TDRD7: variants seen among roughly 807,000 people sequenced by gnomAD.
TDRD7 encodes tudor domain containing 7, also known as tudor domain-containing protein 7.
A neutral mutation model predicts 109.8 loss-of-function variants in TDRD7; 47 were observed. The ratio of observed to expected loss-of-function variants is 0.43; its 90% CI spans 0.34 to 0.55. The LOEUF is 0.55. TDRD7 is among the 20% of genes least tolerant of loss of function. The pLI, the probability that TDRD7 is intolerant of heterozygous loss-of-function variation, is 0.03. For missense variants in TDRD7, 1,164 were observed against 1,319.2 expected, an observed-to-expected ratio of 0.88 and a Z score of 1.82; for synonymous variants, 424 against 457.3, an observed-to-expected ratio of 0.93 and a Z score of 0.93.
At chr9:97,479,555 T>A (rs1268124351) in intron 13 of TDRD7, among the ~76,000 whole-genome samples, 1 of 151,722 alleles carries the variant, frequency 6.6e-6, no homozygotes, top group African/African-American at 2.4e-5. Flanking sequence ...TCACTAAACT[T>A]TTTTTTTTCA....
In TDRD7 at chr9:97,460,554, A is replaced by G. The variant is rs749145383; in HGVS notation, c.1232A>G (p.Asp411Gly). Residue 411 changes from aspartate to glycine, a missense_variant, in exon 7 of 17, where the codon GAC (aspartate) becomes GGC (glycine). By Grantham distance (94) the Asp-to-Gly change is moderately conservative. Coordinates refer to ENST00000355295, the MANE Select transcript of TDRD7 (RefSeq NM_014290.3). ...TATGCTAAACTTCCATTGCCCACTG[A>G]CAAAATCCAAAAGGATGCAGGGCAA... is the stretch of plus-strand genomic sequence containing the variant. ...ILYAKLPLPT[D>G]KIQKDAGQAH... 6.9e-5 allele frequency: 111 copies of G among 1,614,110 alleles called. No homozygotes were observed. Among genetic ancestry groups the G allele is most frequent in the Non-Finnish European group, 8.8e-5 (104 of 1,180,052 alleles).
At chr9:97,480,126 C>T (rs896519062) in intron 13 of TDRD7, among the ~76,000 whole-genome samples, 9 of 152,196 alleles carry the variant, frequency 5.9e-5, no homozygotes, top group African/African-American at 2.2e-4. Flanking sequence ...TGGGTTTCAT[C>T]CCCTTCACAA....
In TDRD7 at chr9:97,439,420, A is replaced by C. The variant is rs1564198709; in HGVS notation, c.637+102A>C. 6 of 955,168 alleles carry C rather than the reference A, an allele frequency of 6.3e-6. No individual in the cohort carries two copies. The East Asian group carries it at 1.5e-4, about 24-fold the overall frequency. 59.2% of individuals were successfully genotyped at this position (955,168 alleles called of 1,614,324 possible). ...TTTGCTCTCACCTTCTCCTGTTTGG[A>C]ATATATCCTTCCTCCCCTTTTTCCT... On this transcript the variant is annotated intron_variant, in intron 5 of 16. Coordinates refer to ENST00000355295, the MANE Select transcript of TDRD7 (RefSeq NM_014290.3).
At chr9:97,476,898 A>G (rs1391381891) in intron 12 of TDRD7, among the ~76,000 whole-genome samples, 1 of 152,192 alleles carries the variant, frequency 6.6e-6, no homozygotes, top group African/African-American at 2.4e-5. Context: ...AAACTTGGTC[A>G]TGTCTACTTG....
chr9:97,458,952 G>A (rs1828664620), intron 6 of TDRD7, among the ~76,000 whole-genome samples: 1 of 152,118 alleles, frequency 6.6e-6, no homozygotes, highest in Non-Finnish European at 1.5e-5. Flanking sequence ...TACCTAACCA[G>A]CATACTTTAA....
At chr9:97,478,220 C>A (rs931935281) in intron 12 of TDRD7, among the ~76,000 whole-genome samples, 3 of 152,058 alleles carry the variant, frequency 2.0e-5, no homozygotes, top group Non-Finnish European at 4.4e-5. Flanking sequence ...GAGATTGCAC[C>A]ACTGCACTCC....
In TDRD7 at chr9:97,473,581, G is replaced by A. The variant is rs751073949; in HGVS notation, c.2034G>A (p.Lys678=). 1 of 1,613,818 alleles carries A rather than the reference G, an allele frequency of 6.2e-7. No individual in the cohort carries two copies. The highest frequency in any genetic ancestry group is 1.1e-5 in the South Asian group (1 of 91,084). The change falls in exon 11 of 17, where the codon AAG becomes AAA. Residue 678 remains lysine, a synonymous_variant. Transcript: ENST00000355295. Reference sequence around the variant, plus strand: ...AGGTGCCTTGTAAGGGTCTGAACAAGCTCAGTGACCTTCTACGTAAGATAG... The same window carrying A: ...AGGTGCCTTGTAAGGGTCTGAACAAACTCAGTGACCTTCTACGTAAGATAG... ...YCQVPCKGLN[K]LSDLLRKIED... is the part of the protein sequence containing the mutation.
chr9:97,494,712 A>ATAT (rs1829366591), intron 16 of TDRD7, among the ~76,000 whole-genome samples: 1 of 73,492 alleles, frequency 1.4e-5, no homozygotes, highest in Non-Finnish European at 3.0e-5. Flanking sequence ...ATATATATAT[A>ATAT]TTTTTTTTTT....
intron 16 of TDRD7, among the ~76,000 whole-genome samples, chr9:97,491,414 A>T (rs1829306600): frequency 1.3e-5 from 2 of 152,210 alleles, no homozygotes; most frequent in Non-Finnish European, 2.9e-5. Flanking sequence ...ATGCTTGCTC[A>T]GTCTCTTCAA....
chr9:97,475,280 G>A (rs952483561), intron 11 of TDRD7, 103 bp from the exon 12 acceptor site: 2 of 870,242 alleles, frequency 2.3e-6, no homozygotes, highest in African/African-American at 3.3e-5. Context: ...CTGACTACAT[G>A]TCGGTTAAGT....
chr9:97,441,623 A>C, intron 5 of TDRD7, 35 bp from the exon 6 acceptor site: 1 of 1,515,956 alleles, frequency 6.6e-7, no homozygotes, highest in Non-Finnish European at 9.0e-7. Flanking sequence ...AATGTTAAGC[A>C]TTTTGGTTAA....
At chr9:97,436,618 A>G (rs910975656) in intron 4 of TDRD7, among the ~76,000 whole-genome samples, 10 of 152,072 alleles carry the variant, frequency 6.6e-5, no homozygotes, top group African/African-American at 1.9e-4. Context: ...GCTTTTAGGT[A>G]TTATGTTTAG....
chr9:97,468,264 G>A (rs78802506), intron 8 of TDRD7, among the ~76,000 whole-genome samples: 4,004 of 152,274 alleles, frequency 0.026, 116 homozygotes, highest in East Asian at 0.12. Context: ...AAACCCTTCA[G>A]TATTTACATG....
chr9:97,465,370 G>A (rs62557544), intron 8 of TDRD7, among the ~76,000 whole-genome samples: 7,922 of 152,208 alleles, frequency 0.052, 332 homozygotes, highest in African/African-American at 0.12. Flanking sequence ...CCAGTACTTC[G>A]GAGTGAGGGA....
In TDRD7 at chr9:97,473,646, A is replaced by G. The variant is rs1405388484; in HGVS notation, c.2079+20A>G. On this transcript the variant is annotated intron_variant, in intron 11 of 16. Coordinates refer to ENST00000355295, the MANE Select transcript of TDRD7 (RefSeq NM_014290.3). Reference sequence around the variant, plus strand: ...TGCAAGGTATAGCAGAACCTCTTCTACCTCTAAAATTAGCCCTAAAATTAC... The same window carrying G: ...TGCAAGGTATAGCAGAACCTCTTCTGCCTCTAAAATTAGCCCTAAAATTAC... 2.5e-6 allele frequency: 4 copies of G among 1,613,202 alleles called. No individual in the cohort carries two copies. In the African/African-American group the frequency reaches 4.0e-5, roughly 16 times the overall value.
At chr9:97,430,551 C>T (rs898042098) in intron 2 of TDRD7, among the ~76,000 whole-genome samples, 15 of 152,094 alleles carry the variant, frequency 9.9e-5, no homozygotes, top group African/African-American at 3.4e-4. Context: ...TTAACTTTCC[C>T]GAGCCTCTGC....
intron 12 of TDRD7, among the ~76,000 whole-genome samples, chr9:97,476,655 A>G (rs1193387350): frequency 6.6e-6 from 1 of 150,888 alleles, no homozygotes; most frequent in Non-Finnish European, 1.5e-5. Flanking sequence ...AGAGGTTCTT[A>G]ACCTAGATGC....
chr9:97,418,332 A>G (rs1441917970), intron 1 of TDRD7, among the ~76,000 whole-genome samples: 1 of 152,180 alleles, frequency 6.6e-6, no homozygotes, highest in Non-Finnish European at 1.5e-5. Context: ...TATTTTATTT[A>G]ATTTTCTTCC....
chr9:97,439,008 G>C lies in TDRD7; in HGVS notation c.564-237G>C, dbSNP rs777866391. 1.7e-3 allele frequency among the ~76,000 whole-genome samples: 260 copies of C among 152,122 alleles called. 3 individuals are homozygous for C. Among genetic ancestry groups the C allele is most frequent in the Non-Finnish European group, 5.6e-4 (38 of 68,014 alleles). On this transcript the variant is annotated intron_variant, in intron 4 of 16. Transcript: ENST00000355295. The stretch of plus-strand genomic sequence containing the variant: ...GAATTCTGACATCCAAGTTTTGAAA[G>C]AGGCTTTCAAAGACCTAGTTTAAAT...
Sources: allele counts gnomAD v4.1 joint callset (sites outside exome capture counted in the v4.1 genomes callset), GRCh38; gene constraint gnomAD v4.1.1; transcripts MANE v1.5; gene names NCBI Gene and HGNC (gene_info 2026-07-23, HGNC 2026-07-21).